Variants in PTPRD observed in about 807,000 individuals in gnomAD.
PTPRD encodes receptor-type tyrosine-protein phosphatase delta.
In PTPRD, 34 loss-of-function variants were observed where a neutral mutation model predicts 214.5. That is an observed-to-expected ratio of 0.16 (90% CI 0.12 to 0.21). The LOEUF (loss-of-function observed/expected upper bound fraction) is 0.21. Ranked by LOEUF, PTPRD falls within the 10% of genes least tolerant of loss-of-function variation. PTPRD has a pLI of 1.00. For synonymous variants in PTPRD, 1,128 were observed against 845.7 expected (o/e 1.33, Z -5.79); for missense variants, 2,545 against 2,398.7 (o/e 1.06, Z -1.27).
chr9:8,693,640 T>A (rs1326790681), intron 12 of PTPRD, among the ~76,000 whole-genome samples: 9 of 152,182 alleles, frequency 5.9e-5, no homozygotes, highest in Non-Finnish European at 2.9e-5. Context: ...GTCTGAGAAA[T>A]CGCTCTCTGG....
At chr9:8,824,879 C>G (rs912654288) in intron 11 of PTPRD, among the ~76,000 whole-genome samples, 1 of 152,038 alleles carries the variant, frequency 6.6e-6, no homozygotes, top group Non-Finnish European at 1.5e-5. Flanking sequence ...GTTCTTGAAA[C>G]GTAGTATTTT....
At chr9:10,466,611 G>A (rs79102850) in intron 2 of PTPRD, among the ~76,000 whole-genome samples, 22 of 73,798 alleles carry the variant, frequency 3.0e-4, no homozygotes, top group South Asian at 1.0e-3. Context: ...CAACAAGAGC[G>A]AAACTCCAAC....
At chr9:9,639,012 G>T (rs1040037429) in intron 7 of PTPRD, among the ~76,000 whole-genome samples, 3 of 152,032 alleles carry the variant, frequency 2.0e-5, no homozygotes, top group African/African-American at 4.8e-5. Context: ...CTCCCAAAAG[G>T]CCCCACCTCC....
chr9:9,872,952 A>C (rs1565917211), intron 5 of PTPRD, among the ~76,000 whole-genome samples: 1 of 152,164 alleles, frequency 6.6e-6, no homozygotes, highest in South Asian at 2.1e-4. Context: ...AACATTGGCC[A>C]AATAACTCAA....
chr9:9,322,198 T>C (rs182262627), intron 9 of PTPRD, among the ~76,000 whole-genome samples: 14 of 152,316 alleles, frequency 9.2e-5, no homozygotes, highest in African/African-American at 2.9e-4. Flanking sequence ...TTTTTAAACA[T>C]TCCAAACCAG....
chr9:9,414,079 T>C (rs1270592511), intron 8 of PTPRD, among the ~76,000 whole-genome samples: 3 of 152,244 alleles, frequency 2.0e-5, no homozygotes, highest in Non-Finnish European at 4.4e-5. Flanking sequence ...AAACAACGTT[T>C]GATTGGGTTC....
intron 5 of PTPRD, among the ~76,000 whole-genome samples, chr9:9,851,959 C>G (rs1431895808): frequency 6.6e-6 from 1 of 152,094 alleles, no homozygotes; most frequent in African/African-American, 2.4e-5. Context: ...TGTTAACAGA[C>G]TTGCAAATTA....
chr9:8,706,329 A>C (rs553486395), intron 12 of PTPRD, among the ~76,000 whole-genome samples: 41 of 152,250 alleles, frequency 2.7e-4, no homozygotes, highest in Non-Finnish European at 5.7e-4. Flanking sequence ...CCTTTCCTTT[A>C]TTTAGTCTGA....
chr9:8,690,078 A>T (rs1393837514), intron 12 of PTPRD, among the ~76,000 whole-genome samples: 1 of 151,058 alleles, frequency 6.6e-6, no homozygotes, highest in Admixed American at 6.6e-5. Flanking sequence ...ACTACACTTC[A>T]GCCTAGGAGT....
chr9:9,145,351 A>G (rs2099866862), intron 10 of PTPRD, among the ~76,000 whole-genome samples: 1 of 152,150 alleles, frequency 6.6e-6, no homozygotes, highest in Admixed American at 6.5e-5. Context: ...ATTTCCTTTG[A>G]TTATTGCTTA....
intron 11 of PTPRD, among the ~76,000 whole-genome samples, chr9:8,744,416 G>A (rs1004088854): frequency 5.9e-5 from 9 of 152,108 alleles, no homozygotes; most frequent in South Asian, 4.1e-4. Context: ...ATCAATCAAC[G>A]AGTGGATAAA....
intron 3 of PTPRD, among the ~76,000 whole-genome samples, chr9:10,149,361 G>A (rs1014475231): frequency 1.3e-5 from 2 of 152,158 alleles, no homozygotes; most frequent in African/African-American, 4.8e-5. Context: ...CTTGTTTTGT[G>A]TGTACAAAAA....
intron 10 of PTPRD, among the ~76,000 whole-genome samples, chr9:9,077,336 CATAGTTCATAGA>C (rs2099752747): frequency 6.6e-6 from 1 of 151,644 alleles, no homozygotes; most frequent in African/African-American, 2.4e-5. Flanking sequence ...TATATTTCTC[CATAGTTCATAGA>C]AGCAGAATGG....
At chr9:8,595,184 T>C (rs1373738539) in intron 14 of PTPRD, among the ~76,000 whole-genome samples, 1 of 151,748 alleles carries the variant, frequency 6.6e-6, no homozygotes, top group Non-Finnish European at 1.5e-5. Flanking sequence ...TTTTTTTTTT[T>C]TTTTATGGCA....
At chr9:10,357,786 G>C (rs190263901) in intron 2 of PTPRD, among the ~76,000 whole-genome samples, 1 of 152,170 alleles carries the variant, frequency 6.6e-6, no homozygotes, top group Non-Finnish European at 1.5e-5. Context: ...TAGGCACTAA[G>C]TATATGCAAT....
At chr9:9,887,648 T>G (rs2071472407) in intron 5 of PTPRD, among the ~76,000 whole-genome samples, 1 of 152,130 alleles carries the variant, frequency 6.6e-6, no homozygotes, top group South Asian at 2.1e-4. Flanking sequence ...ACTGGTTGCA[T>G]GAGGCGTAGT....
intron 9 of PTPRD, among the ~76,000 whole-genome samples, chr9:9,338,670 G>C (rs1013975975): frequency 1.3e-5 from 2 of 151,888 alleles, no homozygotes; most frequent in African/African-American, 4.8e-5. Context: ...ATCAATATTT[G>C]TTTTCAAAAC....
chr9:10,372,013 C>G (rs1441615240), intron 2 of PTPRD, among the ~76,000 whole-genome samples: 1 of 151,964 alleles, frequency 6.6e-6, no homozygotes. Context: ...ACCACATGCA[C>G]AGTGGGGAGT....
chr9:9,231,975 G>C (rs1325876296), intron 9 of PTPRD, among the ~76,000 whole-genome samples: 1 of 152,080 alleles, frequency 6.6e-6, no homozygotes, highest in African/African-American at 2.4e-5. Flanking sequence ...CAATGGGACT[G>C]TCCAAAGGTG....
Sources: allele counts gnomAD v4.1 joint callset (sites outside exome capture counted in the v4.1 genomes callset), GRCh38; gene constraint gnomAD v4.1.1; transcripts MANE v1.5; gene names NCBI Gene and HGNC (gene_info 2026-07-23, HGNC 2026-07-21).